Variants in STRN observed in about 807,000 individuals in gnomAD.
The protein encoded by STRN is protein phosphatase 2 regulatory subunit B'''alpha.
STRN carries 53 observed loss-of-function variants against 96.3 expected under a neutral mutation model. The ratio of observed to expected loss-of-function variants is 0.55; its 90% confidence interval spans 0.44 to 0.69. The LOEUF is 0.69. Among genes scored for constraint, STRN ranks in the 30% least tolerant of loss-of-function variants. The pLI, the probability that STRN is intolerant of heterozygous loss-of-function variation, is 0.00. For synonymous variants in STRN, 428 were observed against 355.9 expected (o/e 1.20, Z -2.28); for missense variants, 987 against 963.9 (o/e 1.02, Z -0.32).
chr2:36,949,215 G>C (rs780735634), intron 1 of STRN, among the ~76,000 whole-genome samples: 2 of 152,298 alleles, frequency 1.3e-5, no homozygotes, highest in South Asian at 4.1e-4. Context: ...TATAGCCTAG[G>C]TATGTAGCAG....
intron 10 of STRN, among the ~76,000 whole-genome samples, chr2:36,873,256 A>C (rs557490600): frequency 1.3e-5 from 2 of 152,376 alleles, no homozygotes; most frequent in African/African-American, 4.8e-5. Context: ...GTCTGAAGTT[A>C]TTTCTACAGA....
At chr2:36,965,407 C>G (rs190605242) in intron 1 of STRN, among the ~76,000 whole-genome samples, 9 of 152,342 alleles carry the variant, frequency 5.9e-5, no homozygotes, top group Admixed American at 2.0e-4. Flanking sequence ...TATCTCCTCC[C>G]TGGATATACT....
intron 9 of STRN, among the ~76,000 whole-genome samples, chr2:36,878,296 G>C (rs1668969835): frequency 6.6e-6 from 1 of 151,980 alleles, no homozygotes; most frequent in African/African-American, 2.4e-5. Flanking sequence ...TCACTATATA[G>C]AAAAATAATG....
chr2:36,913,135 G>A (rs547567508), intron 3 of STRN, among the ~76,000 whole-genome samples: 96 of 152,186 alleles, frequency 6.3e-4, no homozygotes, highest in Non-Finnish European at 3.5e-4. Context: ...CATCTCCAAC[G>A]TTGCTCCTCT....
At position 36,917,964 on chromosome 2, in the gene STRN, T is replaced by C. The variant is rs189217995; in HGVS notation, c.339-1813A>G. 9.2e-5 allele frequency among the ~76,000 whole-genome samples: 14 copies of C among 152,314 alleles called. No homozygotes were observed. In the East Asian group the frequency reaches 2.7e-3, roughly 29 times the overall value. Reference sequence around the variant, plus strand: ...ATTAGCCTATGCATATGAATCTTTCTGGAAGGATACATAATACGTAAGATA... The same window carrying C: ...ATTAGCCTATGCATATGAATCTTTCCGGAAGGATACATAATACGTAAGATA... On this transcript the variant is annotated intron_variant, in intron 2 of 17. Coordinates refer to ENST00000263918, the MANE Select transcript of STRN (RefSeq NM_003162.4).
chr2:36,860,886 T>C (rs775390312), intron 13 of STRN, among the ~76,000 whole-genome samples: 4 of 152,224 alleles, frequency 2.6e-5, no homozygotes, highest in Non-Finnish European at 5.9e-5. Context: ...CAAGCCTGTA[T>C]TTCCAATCAA....
intron 1 of STRN, among the ~76,000 whole-genome samples, chr2:36,964,186 G>GGGT (rs1020514978): frequency 4.0e-5 from 3 of 75,890 alleles, no homozygotes; most frequent in African/African-American, 1.7e-4. Flanking sequence ...GGGGCGGGGC[G>GGGT]GGGGGAAGGA....
At chr2:36,913,954 C>A (rs1364130989) in intron 3 of STRN, among the ~76,000 whole-genome samples, 2 of 152,122 alleles carry the variant, frequency 1.3e-5, no homozygotes, top group African/African-American at 4.8e-5. Flanking sequence ...CAAGCCCCTT[C>A]TACTGAGCTG....
chr2:36,924,283 G>A (rs954981507), intron 2 of STRN, among the ~76,000 whole-genome samples: 1 of 151,098 alleles, frequency 6.6e-6, no homozygotes, highest in East Asian at 1.9e-4. Context: ...GTGAACCCGG[G>A]AGGTGGAGCT....
intron 9 of STRN, among the ~76,000 whole-genome samples, chr2:36,882,096 T>C (rs1669086863): frequency 6.6e-6 from 1 of 152,070 alleles, no homozygotes; most frequent in African/African-American, 2.4e-5. Flanking sequence ...CATGTACTGG[T>C]CAAAAATTTC....
At chr2:36,965,299 C>T (rs1665131463) in intron 1 of STRN, among the ~76,000 whole-genome samples, 1 of 152,118 alleles carries the variant, frequency 6.6e-6, no homozygotes, top group Admixed American at 6.5e-5. Context: ...GTGTGTATGC[C>T]CTGGAAGTTT....
intron 5 of STRN, among the ~76,000 whole-genome samples, chr2:36,900,847 C>T (rs972057097): frequency 6.6e-6 from 1 of 151,796 alleles, no homozygotes; most frequent in Admixed American, 6.6e-5. Flanking sequence ...AAGCTGAGAT[C>T]GTGCCACTGC....
Position 36,966,261 on chromosome 2 carries a change from G to A in STRN, c.203C>T (p.Ala68Val), listed in dbSNP as rs771833308. 16 of 1,587,090 alleles carry A rather than the reference G, an allele frequency of 1.0e-5. No individual in the cohort carries two copies. Among genetic ancestry groups the A allele is most frequent in the South Asian group, 2.3e-5 (2 of 88,348 alleles). ...HEWARFEVER[A>V]QWEVERAELQ... ...CTCCGCCCGCTCCACCTCCCACTGGGCTCTCTCCACCTCGAAGCGGGCCCA... is the reference window on the plus strand; with the variant it reads ...CTCCGCCCGCTCCACCTCCCACTGGACTCTCTCCACCTCGAAGCGGGCCCA... The change falls in exon 1 of 18, where the codon GCC becomes GTC. Residue 68 changes from alanine (A) to valine (V), a missense_variant. Physicochemically the swap from Ala to Val is moderately conservative, Grantham distance 64 (BLOSUM62 0). Transcript: ENST00000263918.
chr2:36,895,918 C>A (rs903469269), intron 6 of STRN, among the ~76,000 whole-genome samples: 2 of 151,726 alleles, frequency 1.3e-5, no homozygotes, highest in Admixed American at 1.3e-4. Context: ...TGCGAGACTC[C>A]ATCTCAAAAA....
rs1023996391 is a variant in STRN, at chr2:36,847,405, G to A, written c.*2051C>T. On this transcript the variant is annotated 3_prime_UTR_variant, in exon 18 of 18. Transcript: ENST00000263918. ...ATCTTCCTTCCTTCCTTCCTGGAAG[G>A]AATTTTCCAGTATCCTTCTACAAAT... is the stretch of plus-strand genomic sequence containing the variant. 7 of 152,056 alleles carry A rather than the reference G, an allele frequency of 4.6e-5. No individual in the cohort carries two copies. Among genetic ancestry groups the A allele is most frequent in the African/African-American group, 1.7e-4 (7 of 41,406 alleles). 9.4% of individuals were successfully genotyped at this position (152,056 alleles called of 1,614,324 possible).
chr2:36,933,711 T>C (rs184593857), intron 1 of STRN, among the ~76,000 whole-genome samples: 189 of 152,304 alleles, frequency 1.2e-3, no homozygotes, highest in Middle Eastern at 3.4e-3. Flanking sequence ...CTCAGGCGAT[T>C]CTCCTGCTTC....
chr2:36,946,906 T>C (rs937881120), intron 1 of STRN, among the ~76,000 whole-genome samples: 3 of 152,134 alleles, frequency 2.0e-5, no homozygotes, highest in African/African-American at 7.2e-5. Flanking sequence ...AAATTTCTTT[T>C]TTTTTTTGAG....
chr2:36,916,889 T>C (rs1009802385), intron 2 of STRN, among the ~76,000 whole-genome samples: 31 of 152,068 alleles, frequency 2.0e-4, no homozygotes, highest in African/African-American at 7.0e-4. Context: ...CCAGATAATG[T>C]AGAAATTTTT....
At chr2:36,894,966 C>T (rs772401561) in intron 6 of STRN, among the ~76,000 whole-genome samples, 1 of 152,150 alleles carries the variant, frequency 6.6e-6, no homozygotes, top group African/African-American at 2.4e-5. Context: ...GAAGCCACTA[C>T]CAACAGAACA....
Sources: gnomAD v4.1 joint callset for allele counts (sites outside exome capture counted in the v4.1 genomes callset) on GRCh38, gnomAD v4.1.1 for gene constraint, MANE v1.5 for transcripts, NCBI Gene and HGNC (gene_info 2026-07-23, HGNC 2026-07-21) for gene names.